ADAM12: variants seen among roughly 807,000 people sequenced by gnomAD.
ADAM12 encodes disintegrin and metalloproteinase domain-containing protein 12.
A neutral mutation model predicts 106.4 loss-of-function variants in ADAM12; 70 were observed. That is an observed-to-expected ratio of 0.66 (90% confidence interval 0.54 to 0.80). The LOEUF (loss-of-function observed/expected upper bound fraction) is 0.80. Among genes scored for constraint, ADAM12 ranks in the 30% least tolerant of loss-of-function variants. ADAM12 has a pLI of 0.00. For synonymous variants in ADAM12, 420 were observed against 433.5 expected (o/e 0.97, Z 0.39); for missense variants, 1,010 against 1,171.9 (o/e 0.86, Z 2.02).
intron 3 of ADAM12, among the ~76,000 whole-genome samples, chr10:126,272,041 T>G (rs780719529): frequency 3.0e-4 from 46 of 152,218 alleles, no homozygotes; most frequent in Non-Finnish European, 5.4e-4. Context: ...GCTTAAGAGC[T>G]GCTTCATTCT....
At chr10:126,321,375 A>C (rs1358223284) in intron 2 of ADAM12, among the ~76,000 whole-genome samples, 1 of 152,154 alleles carries the variant, frequency 6.6e-6, no homozygotes, top group Non-Finnish European at 1.5e-5. Flanking sequence ...ACAGAATCTA[A>C]GACAACCCGA....
intron 5 of ADAM12, among the ~76,000 whole-genome samples, chr10:126,131,302 C>T (rs1228154707): frequency 6.6e-6 from 1 of 152,012 alleles, no homozygotes; most frequent in Non-Finnish European, 1.5e-5. Flanking sequence ...ACAGATGAGC[C>T]AGTGGCCTAG....
intron 3 of ADAM12, among the ~76,000 whole-genome samples, chr10:126,250,640 A>G (rs1958728178): frequency 6.6e-6 from 1 of 152,214 alleles, no homozygotes; most frequent in South Asian, 2.1e-4. Context: ...TGAAGCCATC[A>G]TTAGCTTTAC....
chr10:126,014,833 TA>T lies in ADAM12; in HGVS notation c.*2445del, dbSNP rs3832667. 1 of 151,720 alleles carries T rather than the reference TA, an allele frequency of 6.6e-6. No individual in the cohort carries two copies. The highest frequency in any genetic ancestry group is 1.9e-4 in the East Asian group (1 of 5,164). 9.4% of individuals were successfully genotyped at this position (151,720 alleles called of 1,614,324 possible). ...TATTATTCATGCCTATACAGTCTTT[TA>T]AAAAAATACTAGATTGCCATTGAAA... On this transcript the variant is annotated 3_prime_UTR_variant, in exon 23 of 23. Transcript: ENST00000448723.
intron 1 of ADAM12, among the ~76,000 whole-genome samples, chr10:126,330,842 T>C (rs547006743): frequency 3.3e-5 from 5 of 152,258 alleles, no homozygotes; most frequent in Non-Finnish European, 5.9e-5. Context: ...AAATGATGAA[T>C]TGATACTTTA....
At chr10:126,221,295 A>G (rs1958087495) in intron 3 of ADAM12, among the ~76,000 whole-genome samples, 1 of 151,718 alleles carries the variant, frequency 6.6e-6, no homozygotes, top group Admixed American at 6.6e-5. Flanking sequence ...GAGGCAGCAG[A>G]ATCACTTGAA....
At chr10:126,065,688 G>T (rs557064561) in intron 13 of ADAM12, among the ~76,000 whole-genome samples, 1 of 152,130 alleles carries the variant, frequency 6.6e-6, no homozygotes, top group African/African-American at 2.4e-5. Context: ...CTCCTCAAAC[G>T]CAAAGAGATA....
At chr10:126,269,777 C>A (rs187812902) in intron 3 of ADAM12, among the ~76,000 whole-genome samples, 1 of 152,272 alleles carries the variant, frequency 6.6e-6, no homozygotes, top group African/African-American at 2.4e-5. Flanking sequence ...TGTGGAACTC[C>A]ATCTCCATCT....
rs565962197 is a variant in ADAM12, at chr10:126,120,055, C to A, written c.417-1831G>T. On this transcript the variant is annotated intron_variant, in intron 5 of 22. Transcript: ENST00000448723. Reference sequence around the variant, plus strand: ...ACTATCTCTCCACTTTAGAAAGACACAAAATTTTCATGTAAAATTCATCTG... The same window carrying A: ...ACTATCTCTCCACTTTAGAAAGACAAAAAATTTTCATGTAAAATTCATCTG... 3.9e-5 allele frequency among the ~76,000 whole-genome samples: 6 copies of A among 152,272 alleles called. No homozygotes were observed. In the East Asian group the frequency reaches 1.2e-3, roughly 29 times the overall value.
At chr10:126,168,458 C>G (rs966361527) in intron 3 of ADAM12, among the ~76,000 whole-genome samples, 2 of 152,066 alleles carry the variant, frequency 1.3e-5, no homozygotes, top group African/African-American at 4.8e-5. Context: ...TTAATATATG[C>G]TATAGATGAT....
chr10:126,289,829 G>T (rs1379149943), intron 2 of ADAM12, among the ~76,000 whole-genome samples: 1 of 152,194 alleles, frequency 6.6e-6, no homozygotes, highest in Admixed American at 6.5e-5. Flanking sequence ...AACTCTGCTG[G>T]ACCTCAGTTT....
chr10:126,182,445 T>C (rs1426599886), intron 3 of ADAM12, among the ~76,000 whole-genome samples: 2 of 152,250 alleles, frequency 1.3e-5, no homozygotes, highest in Non-Finnish European at 2.9e-5. Context: ...ATTTTTCTTC[T>C]GGATGTGTTC....
chr10:126,237,243 T>G (rs540071024), intron 3 of ADAM12, among the ~76,000 whole-genome samples: 23 of 152,370 alleles, frequency 1.5e-4, no homozygotes, highest in African/African-American at 5.5e-4. Context: ...GTTAGAACTC[T>G]ATGGGAATCT....
At chr10:126,251,905 A>AGATT (rs1565168810) in intron 3 of ADAM12, among the ~76,000 whole-genome samples, 3 of 6,526 alleles carry the variant, frequency 4.6e-4, no homozygotes, top group Admixed American at 1.6e-3. Flanking sequence ...TGGGATGGAT[A>AGATT]GGATGGATGG....
intron 1 of ADAM12, among the ~76,000 whole-genome samples, chr10:126,351,242 G>A (rs541274491): frequency 2.7e-5 from 4 of 146,538 alleles, no homozygotes; most frequent in South Asian, 2.2e-4. Context: ...CTTTAGTCTC[G>A]GCTTTCCTGC....
At chr10:126,282,286 G>A (rs1565189108) in intron 2 of ADAM12, among the ~76,000 whole-genome samples, 2 of 151,966 alleles carry the variant, frequency 1.3e-5, no homozygotes, top group African/African-American at 4.8e-5. Flanking sequence ...CTTTTTAAAG[G>A]GCCTTTCTCC....
rs1489656534 is a variant in ADAM12, at chr10:126,228,009, G to T, written c.260+50906C>A. Among the ~76,000 whole-genome samples the T allele has an allele frequency of 2.0e-5, 3 of 152,100 alleles. No homozygotes were observed. The East Asian group carries it at 5.8e-4, about 29-fold the overall frequency. On this transcript the variant is annotated intron_variant, in intron 3 of 22. Coordinates refer to ENST00000448723, the MANE Select transcript of ADAM12 (RefSeq NM_001288973.2). ...CCTGTGATGATTCCCCTGGATCAGG[G>T]TATGTCTGGGTGGAGACGAGCTTCC...
At chr10:126,347,162 G>A (rs1044493764) in intron 1 of ADAM12, among the ~76,000 whole-genome samples, 19 of 152,162 alleles carry the variant, frequency 1.2e-4, no homozygotes, top group East Asian at 5.8e-4. Flanking sequence ...GGCTGATACC[G>A]GTTGTTCCTT....
chr10:126,306,249 G>A (rs995284676), intron 2 of ADAM12, among the ~76,000 whole-genome samples: 18 of 151,306 alleles, frequency 1.2e-4, no homozygotes, highest in African/African-American at 4.1e-4. Context: ...CATCCTTTCA[G>A]TGCCTACTTT....
Sources: gnomAD v4.1 joint callset for allele counts (sites outside exome capture counted in the v4.1 genomes callset) on GRCh38, gnomAD v4.1.1 for gene constraint, MANE v1.5 for transcripts, NCBI Gene and HGNC (gene_info 2026-07-23, HGNC 2026-07-21) for gene names.